BCL11B: variants seen among roughly 807,000 people sequenced by gnomAD.
The protein encoded by BCL11B is BCL11 transcription factor B.
A neutral mutation model predicts 49.9 loss-of-function variants in BCL11B; 8 were observed. The observed-to-expected ratio is 0.16, with a 90% CI of 0.09 to 0.29. BCL11B has a LOEUF of 0.29. Ranked by LOEUF, BCL11B falls within the 10% of genes least tolerant of loss-of-function variation. The pLI, the probability that BCL11B is intolerant of heterozygous loss-of-function variation, is 1.00. For synonymous variants in BCL11B, 739 were observed against 637.4 expected (o/e 1.16, Z -2.40); for missense variants, 1,006 against 1,351.0 (o/e 0.74, Z 4.00).
Position 99,176,042 on chromosome 14 carries a change from A to G in BCL11B, c.794T>C (p.Ile265Thr). Residue 265 changes from isoleucine to threonine, a missense_variant, in exon 4 of 4, where the codon ATC (isoleucine) becomes ACC (threonine). Transcript: ENST00000357195. ...GGCCTCCGGCCCGAGCGGCGGCGGG[A>G]TGGTGAGCCGCGGCGTGAGCGAGCT... ...ASSSLTPRLTIPPPLGPEAVA... is the reference protein window; with the variant it reads ...ASSSLTPRLTTPPPLGPEAVA... 1 of 1,591,142 alleles carries G rather than the reference A, an allele frequency of 6.3e-7. No individual in the cohort carries two copies. Among genetic ancestry groups the G allele is most frequent in the Non-Finnish European group, 8.6e-7 (1 of 1,168,698 alleles).
Position 99,174,037 on chromosome 14 carries a change from C to T in BCL11B, c.*114G>A, listed in dbSNP as rs1886379769. ...AGGTTGGAGTGCCGCCTCCCCTGGGCCCCGGGGACACGCGGGGTGCGGGGT... is the reference window on the plus strand; with the variant it reads ...AGGTTGGAGTGCCGCCTCCCCTGGGTCCCGGGGACACGCGGGGTGCGGGGT... On this transcript the variant is annotated 3_prime_UTR_variant, in exon 4 of 4. Coordinates refer to ENST00000357195, the MANE Select transcript of BCL11B (RefSeq NM_138576.4). The T allele has an allele frequency of 1.8e-6, 2 of 1,109,340 alleles. No homozygotes were observed. Among genetic ancestry groups the T allele is most frequent in the Middle Eastern group, 2.8e-4 (1 of 3,552 alleles). The allele number at this position is 1,109,340 out of a possible 1,614,324, so 68.7% of individuals were successfully genotyped here. A position where few individuals can be genotyped will look rare whatever the true frequency, so the allele number is the denominator to read the frequency against.
Position 99,257,326 on chromosome 14 carries a change from C to A in BCL11B, c.427+145G>T. On this transcript the variant is annotated intron_variant, in intron 2 of 3. Coordinates refer to ENST00000357195, the MANE Select transcript of BCL11B (RefSeq NM_138576.4). The surrounding 1 kb of genome is among the most constrained non-coding windows in gnomAD (Gnocchi z 6.2). ...CCTGAAGGTCACCTGGATGGTGGAC[C>A]CTCAGAAAGGGGGAGCCCCGGCTGG... The A allele has an allele frequency of 6.1e-6, 7 of 1,140,478 alleles. No homozygotes were observed. The highest frequency in any genetic ancestry group is 2.6e-5 in the East Asian group (1 of 38,788). The allele number at this position is 1,140,478 out of a possible 1,614,324, so 70.6% of individuals were successfully genotyped here. A position where few individuals can be genotyped will look rare whatever the true frequency, so the allele number is the denominator to read the frequency against.
intron 3 of BCL11B, among the ~76,000 whole-genome samples, chr14:99,225,315 G>A (rs546400140): frequency 8.5e-5 from 13 of 152,204 alleles, no homozygotes; most frequent in Non-Finnish European, 1.9e-4. Context: ...TGATCTCTTG[G>A]GATCCCTGGT....
chr14:99,247,599 T>C lies in BCL11B; in HGVS notation c.427+9872A>G, dbSNP rs1248698266. Reference sequence around the variant, plus strand: ...CTCTACCCTGAAAAAGGCTTTGAAATAAAGCCACCTTCTCCACTCCTTTCC... The same window carrying C: ...CTCTACCCTGAAAAAGGCTTTGAAACAAAGCCACCTTCTCCACTCCTTTCC... On this transcript the variant is annotated intron_variant, in intron 2 of 3. Coordinates refer to ENST00000357195, the MANE Select transcript of BCL11B (RefSeq NM_138576.4). The surrounding 1 kb of genome is among the most constrained non-coding windows in gnomAD (Gnocchi z 4.5). Among the ~76,000 whole-genome samples the C allele has an allele frequency of 6.6e-6, 1 of 152,202 alleles. No homozygotes were observed. The highest frequency in any genetic ancestry group is 1.9e-4 in the East Asian group (1 of 5,192).
rs778751317 is a variant in BCL11B, at chr14:99,231,219, G to C, written c.640+126C>G. The C allele has an allele frequency of 9.6e-7, 1 of 1,039,754 alleles. No individual in the cohort carries two copies. Among genetic ancestry groups the C allele is most frequent in the Non-Finnish European group, 1.4e-6 (1 of 725,690 alleles). The allele number at this position is 1,039,754 out of a possible 1,614,324, so 64.4% of individuals were successfully genotyped here. Reference sequence around the variant, plus strand: ...CGAACATTCTTTACCACTTCCCCTGGCACCCCAAAAAGCCTTCTGGGTGGG... The same window carrying C: ...CGAACATTCTTTACCACTTCCCCTGCCACCCCAAAAAGCCTTCTGGGTGGG... On this transcript the variant is annotated intron_variant, in intron 3 of 3. Transcript: ENST00000357195. The surrounding 1 kb of genome is among the most constrained non-coding windows in gnomAD (Gnocchi z 8.1).
At position 99,184,949 on chromosome 14, in the gene BCL11B, A is replaced by C. The variant is rs1020227128; in HGVS notation, c.641-8754T>G. On this transcript the variant is annotated intron_variant, in intron 3 of 3. Coordinates refer to ENST00000357195, the MANE Select transcript of BCL11B (RefSeq NM_138576.4). The surrounding 1 kb of genome is among the most constrained non-coding windows in gnomAD (Gnocchi z 6.1). ...TTAGGAAGCTGGGCCTACACCCCTC[A>C]AACAAAGAGCCCCAGCATTCCCCTT... is the stretch of plus-strand genomic sequence containing the variant. 5.3e-5 allele frequency among the ~76,000 whole-genome samples: 8 copies of C among 152,172 alleles called. No homozygotes were observed. Among genetic ancestry groups the C allele is most frequent in the Admixed American group, 6.5e-5 (1 of 15,280 alleles).
chr14:99,224,564 G>A (rs1888105152), intron 3 of BCL11B, among the ~76,000 whole-genome samples: 1 of 152,168 alleles, frequency 6.6e-6, no homozygotes, highest in South Asian at 2.1e-4. Flanking sequence ...CAAGGCCAGA[G>A]TCTCACAAGG....
chr14:99,263,557 C>A (rs1382794471), intron 1 of BCL11B, among the ~76,000 whole-genome samples: 3 of 152,212 alleles, frequency 2.0e-5, no homozygotes, highest in African/African-American at 7.2e-5. Context: ...AGACTCCAGG[C>A]GGGAAAGTCG....
At chr14:99,197,064 T>C (rs1284051565) in intron 3 of BCL11B, among the ~76,000 whole-genome samples, 8 of 152,180 alleles carry the variant, frequency 5.3e-5, no homozygotes, top group Admixed American at 5.2e-4. Context: ...CCTGGAAGCA[T>C]ACTCATTTTG....
chr14:99,263,636 A>G (rs1889401219), intron 1 of BCL11B, among the ~76,000 whole-genome samples: 1 of 152,226 alleles, frequency 6.6e-6, no homozygotes, highest in Admixed American at 6.5e-5. Context: ...AGGATGCTTA[A>G]GCAGCTCCCT....
rs151307613 is a variant in BCL11B at position 99,246,946 on chromosome 14, C to T, written c.427+10525G>A. ...CAGGTGGCGCCCAGAGGTTCGAAAG[C>T]AGAATTGGGAGGACTTCGATGTCCA... On this transcript the variant is annotated intron_variant, in intron 2 of 3. Transcript: ENST00000357195. Among the ~76,000 whole-genome samples, 57 of 152,270 alleles carry T rather than the reference C, an allele frequency of 3.7e-4. No homozygotes were observed. The East Asian group carries it at 0.011, about 28-fold the overall frequency.
chr14:99,244,543 G>A (rs1006789793), intron 2 of BCL11B, among the ~76,000 whole-genome samples: 4 of 152,130 alleles, frequency 2.6e-5, no homozygotes, highest in South Asian at 2.1e-4. Flanking sequence ...ATTCAAAGGC[G>A]GATTCTATCT....
rs1311088963 is a variant in BCL11B, at chr14:99,174,890, C to CCGCCCG, written c.1940_1945dup (p.Ala647_Gly648dup). The CCGCCCG allele has an allele frequency of 9.4e-7, 1 of 1,060,230 alleles. No homozygotes were observed. The highest frequency in any genetic ancestry group is 6.5e-5 in the East Asian group (1 of 15,442). 65.7% of individuals were successfully genotyped at this position (1,060,230 alleles called of 1,614,324 possible). A position where few individuals can be genotyped will look rare whatever the true frequency, so the allele number is the denominator to read the frequency against. ...GCCGCCCCCGCGCCCGTTGACCGCG[C>CCGCCCG]CGCCCGCGCCCGCGTCCCCGCAGCC... On this transcript the variant is annotated inframe_insertion, in exon 4 of 4. Coordinates refer to ENST00000357195, the MANE Select transcript of BCL11B (RefSeq NM_138576.4).
At chr14:99,217,385 G>GACACACACATACAGAC (rs1887878639) in intron 3 of BCL11B, among the ~76,000 whole-genome samples, 1 of 131,018 alleles carries the variant, frequency 7.6e-6, no homozygotes, top group African/African-American at 2.7e-5. Context: ...CACACATACA[G>GACACACACATACAGAC]ACACACACAC....
intron 3 of BCL11B, among the ~76,000 whole-genome samples, chr14:99,226,047 G>C (rs1888151609): frequency 6.6e-6 from 1 of 152,252 alleles, no homozygotes; most frequent in Non-Finnish European, 1.5e-5. Context: ...TGCTAGGGTG[G>C]AATCAACAGC....
At position 99,174,740 on chromosome 14, in the gene BCL11B, G is replaced by C. The variant is rs747457528; in HGVS notation, c.2096C>G (p.Ala699Gly). The change falls in exon 4 of 4, where the codon GCC (alanine) becomes GGC (glycine). Residue 699 changes from alanine (A) to glycine (G), a missense_variant. Physicochemically the swap from Ala to Gly is moderately conservative, Grantham distance 60 (BLOSUM62 0). Transcript: ENST00000357195. Reference protein sequence around the residue: ...KVEKDLELPPAALIPSENVYS... With the variant: ...KVEKDLELPPGALIPSENVYS... ...CACGTTCTCGGACGGGATGAGCGCG[G>C]CGGGCGGCAGCTCCAGGTCCTTCTC... 6.5e-7 allele frequency: 1 copy of C among 1,527,116 alleles called. No homozygotes were observed. The highest frequency in any genetic ancestry group is 8.8e-7 in the Non-Finnish European group (1 of 1,137,608). The allele number at this position is 1,527,116 out of a possible 1,614,324, so 94.6% of individuals were successfully genotyped here. A position where few individuals can be genotyped will look rare whatever the true frequency, so the allele number is the denominator to read the frequency against.
chr14:99,214,679 T>A (rs923208624), intron 3 of BCL11B, among the ~76,000 whole-genome samples: 17 of 151,390 alleles, frequency 1.1e-4, no homozygotes, highest in Admixed American at 4.6e-4. Flanking sequence ...AAAAAATAAA[T>A]AAATAAATAA....
At chr14:99,263,128 G>A (rs367962081) in intron 1 of BCL11B, 1 of 153,008 alleles carries the variant, frequency 6.5e-6, no homozygotes, top group East Asian at 1.9e-4. Flanking sequence ...TCTGAAGCAG[G>A]AAGCAAGACC....
rs773478100 is a variant in BCL11B at position 99,175,647 on chromosome 14, G to T, written c.1189C>A (p.Pro397Thr). Residue 397 changes from proline (P) to threonine (T), a missense_variant, in exon 4 of 4, where the codon CCC becomes ACC. Pro to Thr is a conservative substitution (Grantham distance 38). Around this residue, in one of 6 missense-constraint regions of BCL11B, gnomAD observed 97 missense variants for 81.5 expected, o/e 1.19. Transcript: ENST00000357195. ...PMHRLLNPFQ[P>T]SPKSPFLSTP... ...CTCAGGAACGGGGACTTGGGGCTGG[G>T]CTGGAAGGGGTTCAGGAGCCGGTGC... 6.4e-7 allele frequency: 1 copy of T among 1,561,530 alleles called. No individual in the cohort carries two copies.
Sources: allele counts gnomAD v4.1 joint callset (sites outside exome capture counted in the v4.1 genomes callset), GRCh38; gene constraint gnomAD v4.1.1; regional missense constraint gnomAD v4.1.1; non-coding constraint Gnocchi (gnomAD v3.1); transcripts MANE v1.5; gene names NCBI Gene and HGNC (gene_info 2026-07-23, HGNC 2026-07-21).